FNTB: variants seen among roughly 807,000 people sequenced by gnomAD.
The protein encoded by FNTB is farnesyltransferase, CAAX box, subunit beta.
In FNTB, 27 loss-of-function variants were observed where a neutral mutation model predicts 59.4. The observed-to-expected ratio is 0.45, with a 90% confidence interval of 0.34 to 0.63. FNTB has a LOEUF of 0.63. FNTB is among the 20% of genes least tolerant of loss of function. The pLI, the probability that FNTB is intolerant of heterozygous loss-of-function variation, is 0.02. For missense variants in FNTB, 449 were observed against 559.6 expected (o/e 0.80, Z 1.99); for synonymous variants, 230 against 220.7 (o/e 1.04, Z -0.37).
intron 9 of FNTB, among the ~76,000 whole-genome samples, chr14:65,051,463 T>G (rs1375566803): frequency 2.0e-5 from 3 of 151,674 alleles, no homozygotes; most frequent in East Asian, 1.9e-4. Flanking sequence ...ATACAAGAAT[T>G]AGCCAGGCAT....
Position 65,044,211 on chromosome 14 carries a change from G to T in FNTB, c.823-100G>T. 1 of 1,585,204 alleles carries T rather than the reference G, an allele frequency of 6.3e-7. No individual in the cohort carries two copies. Among genetic ancestry groups the T allele is most frequent in the Non-Finnish European group, 8.6e-7 (1 of 1,167,964 alleles). ...CTAGAGTGCCAAGAAGCCACAAGAT[G>T]GGAAACCCTCCATCCCACAGATTGA... On this transcript the variant is annotated intron_variant, in intron 8 of 11. Transcript: ENST00000246166. The surrounding 1 kb of genome is among the most constrained non-coding windows in gnomAD (Gnocchi z 5.5).
chr14:64,995,218 T>G (rs1355327326), intron 1 of FNTB, among the ~76,000 whole-genome samples: 2 of 152,200 alleles, frequency 1.3e-5, no homozygotes, highest in African/African-American at 4.8e-5. Flanking sequence ...GGCATGGAGC[T>G]GTCATCTCCT....
intron 7 of FNTB, among the ~76,000 whole-genome samples, chr14:65,038,601 C>A (rs908892315): frequency 6.6e-6 from 1 of 151,716 alleles, no homozygotes; most frequent in African/African-American, 2.4e-5. Flanking sequence ...ACCTGTAATC[C>A]CACGTACTCA....
chr14:64,991,083 G>A lies in FNTB; in HGVS notation c.144+3986G>A, dbSNP rs912390877. On this transcript the variant is annotated intron_variant, in intron 1 of 11. Transcript: ENST00000246166. This position sits in a 1 kb window ranked among gnomAD's most constrained non-coding sequence, Gnocchi z 4.4. Reference sequence around the variant, plus strand: ...GTTAATACTGATAGTCTCAGAGGTAGCAGCCTTGCCAAAAACAGGTGTTTA... The same window carrying A: ...GTTAATACTGATAGTCTCAGAGGTAACAGCCTTGCCAAAAACAGGTGTTTA... 9.2e-5 allele frequency among the ~76,000 whole-genome samples: 14 copies of A among 152,118 alleles called. No homozygotes were observed. Among genetic ancestry groups the A allele is most frequent in the African/African-American group, 3.4e-4 (14 of 41,410 alleles).
rs2061693363 is a variant in FNTB at position 65,012,162 on chromosome 14, C to T, written c.210-155C>T. 1 of 825,572 alleles carries T rather than the reference C, an allele frequency of 1.2e-6. No individual in the cohort carries two copies. The highest frequency in any genetic ancestry group is 1.7e-5 in the South Asian group (1 of 58,854). 51.1% of individuals were successfully genotyped at this position (825,572 alleles called of 1,614,324 possible). A position where few individuals can be genotyped will look rare whatever the true frequency, so the allele number is the denominator to read the frequency against. ...GCTTCTTTTCTCTGGTTTAGTTGCT[C>T]TTTGGAACCAGAGAAGTTGCTGGTT... On this transcript the variant is annotated intron_variant, in intron 2 of 11. Transcript: ENST00000246166. This position sits in a 1 kb window ranked among gnomAD's most constrained non-coding sequence, Gnocchi z 5.0.
chr14:65,046,064 C>T (rs1048421010), intron 9 of FNTB, among the ~76,000 whole-genome samples: 6 of 152,112 alleles, frequency 3.9e-5, no homozygotes, highest in African/African-American at 1.4e-4. Context: ...GCAACCTCTG[C>T]CCCCTGGGTT....
At chr14:65,058,466 T>G (rs545823416) in intron 11 of FNTB, among the ~76,000 whole-genome samples, 47 of 152,314 alleles carry the variant, frequency 3.1e-4, no homozygotes, top group Non-Finnish European at 6.8e-4. Context: ...TTTTCTTGCC[T>G]TGTATTGTTG....
intron 9 of FNTB, among the ~76,000 whole-genome samples, chr14:65,049,475 C>T (rs1279521074): frequency 2.6e-5 from 4 of 152,136 alleles, no homozygotes; most frequent in Non-Finnish European, 5.9e-5. Flanking sequence ...GCAGTTATCA[C>T]CCTATAATCG....
intron 11 of FNTB, among the ~76,000 whole-genome samples, chr14:65,057,558 AG>A (rs2062765206): frequency 6.6e-6 from 1 of 152,148 alleles, no homozygotes; most frequent in Non-Finnish European, 1.5e-5. Flanking sequence ...CCATTTTTTG[AG>A]GGAAGCAGAC....
chr14:64,987,285 G>T (rs1887986255), intron 1 of FNTB, 188 bp downstream of exon 1: 6 of 650,128 alleles, frequency 9.2e-6, no homozygotes, highest in South Asian at 7.6e-5. Flanking sequence ...TGCGCGGCCA[G>T]CTTGGGGAAG....
intron 4 of FNTB, among the ~76,000 whole-genome samples, chr14:65,024,768 C>G (rs72728253): frequency 0.1 from 15,178 of 151,942 alleles, 1,012 homozygotes; most frequent in Admixed American, 0.17. Flanking sequence ...TTTTTCTCCC[C>G]CTACATTTGT....
intron 1 of FNTB, among the ~76,000 whole-genome samples, chr14:65,002,406 C>T (rs544433688): frequency 7.2e-5 from 11 of 152,208 alleles, no homozygotes; most frequent in South Asian, 2.1e-4. Context: ...GTCAGGAGTT[C>T]GAGACCAGCC....
At chr14:65,010,615 A>G (rs1020326413) in intron 2 of FNTB, among the ~76,000 whole-genome samples, 18 of 152,190 alleles carry the variant, frequency 1.2e-4, no homozygotes, top group Non-Finnish European at 2.5e-4. Flanking sequence ...GTAAACACAT[A>G]CTGACTACCT....
chr14:65,006,550 A>G (rs1320104366), intron 2 of FNTB, among the ~76,000 whole-genome samples: 2 of 152,194 alleles, frequency 1.3e-5, no homozygotes, highest in Non-Finnish European at 2.9e-5. Flanking sequence ...AGAGGGGACA[A>G]GACTTCATAA....
rs1165334591 is a variant in FNTB, at chr14:64,994,902, A to G, written c.144+7805A>G. Among the ~76,000 whole-genome samples the G allele has an allele frequency of 2.6e-5, 4 of 152,244 alleles. No homozygotes were observed. The highest frequency in any genetic ancestry group is 9.6e-5 in the African/African-American group (4 of 41,466). On this transcript the variant is annotated intron_variant, in intron 1 of 11. Transcript: ENST00000246166. This position sits in a 1 kb window ranked among gnomAD's most constrained non-coding sequence, Gnocchi z 4.2. ...TTCAATAATAAATTAAACCTAGCTT[A>G]CTGTAAATTATTTACTTCATGAACT...
intron 7 of FNTB, among the ~76,000 whole-genome samples, chr14:65,033,648 G>A (rs2062129590): frequency 6.6e-6 from 1 of 152,178 alleles, no homozygotes. Flanking sequence ...ATGAGGTCAG[G>A]AAATCGAGAC....
chr14:64,999,173 C>T (rs1888510839), intron 1 of FNTB, among the ~76,000 whole-genome samples: 1 of 152,058 alleles, frequency 6.6e-6, no homozygotes, highest in Admixed American at 6.5e-5. Flanking sequence ...CATGGTGGCT[C>T]ATGCCTGTAA....
chr14:65,041,650 G>A (rs1464164984), intron 8 of FNTB, among the ~76,000 whole-genome samples: 2 of 152,208 alleles, frequency 1.3e-5, no homozygotes, highest in African/African-American at 2.4e-5. Flanking sequence ...GGCCCATCGT[G>A]AGCTTCCTGG....
chr14:65,055,206 C>T (rs1487035050), intron 11 of FNTB, among the ~76,000 whole-genome samples: 2 of 152,144 alleles, frequency 1.3e-5, no homozygotes, highest in Non-Finnish European at 2.9e-5. Flanking sequence ...GTGTGTTTGT[C>T]TGCTTTCCTG....
Sources: allele counts gnomAD v4.1 joint callset (sites outside exome capture counted in the v4.1 genomes callset), GRCh38; gene constraint gnomAD v4.1.1; non-coding constraint Gnocchi (gnomAD v3.1); transcripts MANE v1.5; gene names NCBI Gene and HGNC (gene_info 2026-07-23, HGNC 2026-07-21).